COL19A1: variants seen among roughly 807,000 people sequenced by gnomAD.
The protein encoded by COL19A1 is collagen type XIX alpha 1 chain.
A neutral mutation model predicts 190.2 loss-of-function variants in COL19A1; 159 were observed. The observed-to-expected ratio is 0.84, with a 90% CI of 0.73 to 0.95. The LOEUF (loss-of-function observed/expected upper bound fraction) is 0.95. Among genes scored for constraint, COL19A1 ranks in the 40% least tolerant of loss-of-function variants. COL19A1 has a pLI of 0.00. For synonymous variants in COL19A1, 509 were observed against 458.9 expected (o/e 1.11, Z -1.39); for missense variants, 1,418 against 1,431.9 (o/e 0.99, Z 0.16).
intron 1 of COL19A1, among the ~76,000 whole-genome samples, chr6:69,872,561 T>C (rs544476770): frequency 6.6e-6 from 1 of 152,332 alleles, no homozygotes; most frequent in South Asian, 2.1e-4. Context: ...GCCTTAATGA[T>C]TTCAAGAGCT....
intron 31 of COL19A1, among the ~76,000 whole-genome samples, chr6:70,151,685 G>A (rs1177080422): frequency 2.0e-5 from 3 of 152,068 alleles, no homozygotes; most frequent in Non-Finnish European, 2.9e-5. Context: ...AGGGCAGCTG[G>A]TAGGATAGTT....
chr6:70,079,755 A>G (rs1256487544), intron 15 of COL19A1, among the ~76,000 whole-genome samples: 1 of 152,180 alleles, frequency 6.6e-6, no homozygotes, highest in East Asian at 1.9e-4. Flanking sequence ...AGATATTGAG[A>G]AAGTCAGGGG....
At chr6:70,036,514 G>T (rs1779359086) in intron 14 of COL19A1, among the ~76,000 whole-genome samples, 1 of 152,056 alleles carries the variant, frequency 6.6e-6, no homozygotes, top group African/African-American at 2.4e-5. Context: ...CAATCAAATG[G>T]TACATCATGT....
intron 16 of COL19A1, among the ~76,000 whole-genome samples, chr6:70,112,936 C>T (rs1385561086): frequency 2.0e-5 from 3 of 152,288 alleles, no homozygotes; most frequent in Admixed American, 6.5e-5. Context: ...TCCTGGAATA[C>T]ACGGGGGAAC....
intron 14 of COL19A1, among the ~76,000 whole-genome samples, chr6:70,043,979 G>A (rs1045506787): frequency 2.0e-4 from 30 of 152,160 alleles, no homozygotes; most frequent in African/African-American, 2.2e-4. Flanking sequence ...TTGAAAACTC[G>A]TTGCGTGGTG....
chr6:70,067,502 G>A (rs1781309570), intron 14 of COL19A1, among the ~76,000 whole-genome samples: 1 of 152,034 alleles, frequency 6.6e-6, no homozygotes, highest in African/African-American at 2.4e-5. Flanking sequence ...AGCATTTGAT[G>A]GGGTAAACTG....
intron 16 of COL19A1, among the ~76,000 whole-genome samples, chr6:70,111,238 T>C (rs574707335): frequency 6.6e-6 from 1 of 152,186 alleles, no homozygotes. Context: ...TCAGCTCAAT[T>C]TTTGCAGTCA....
At chr6:70,115,208 C>T (rs527547376) in intron 16 of COL19A1, among the ~76,000 whole-genome samples, 5 of 152,302 alleles carry the variant, frequency 3.3e-5, no homozygotes, top group East Asian at 1.9e-4. Flanking sequence ...CTGTCCTACC[C>T]GCCTTGCTCT....
At chr6:69,991,308 G>T (rs1400510785) in intron 11 of COL19A1, among the ~76,000 whole-genome samples, 1 of 152,064 alleles carries the variant, frequency 6.6e-6, no homozygotes, top group Non-Finnish European at 1.5e-5. Context: ...GGGCAGTTAG[G>T]TTGATTCCAT....
chr6:70,149,138 A>C (rs1786868356), intron 27 of COL19A1, among the ~76,000 whole-genome samples: 3 of 152,112 alleles, frequency 2.0e-5, no homozygotes, highest in Admixed American at 6.6e-5. Flanking sequence ...ACTTAGGTGA[A>C]CATTCCTCAT....
chr6:70,134,445 G>T (rs73469837), intron 18 of COL19A1, among the ~76,000 whole-genome samples: 6,796 of 152,194 alleles, frequency 0.045, 497 homozygotes, highest in African/African-American at 0.16. Flanking sequence ...CTTTAAATTT[G>T]ATGGATATTG....
intron 16 of COL19A1, among the ~76,000 whole-genome samples, chr6:70,103,429 C>G (rs1013132919): frequency 2.0e-5 from 3 of 152,134 alleles, no homozygotes; most frequent in African/African-American, 4.8e-5. Context: ...GCTTAAAATT[C>G]TCTAAAAGCT....
intron 11 of COL19A1, among the ~76,000 whole-genome samples, chr6:70,002,073 G>A (rs1777298265): frequency 6.6e-6 from 1 of 151,872 alleles, no homozygotes; most frequent in Admixed American, 6.6e-5. Flanking sequence ...TTTTTAACAT[G>A]AAGGATGTTG....
chr6:69,884,080 A>T (rs1218942805), intron 2 of COL19A1, among the ~76,000 whole-genome samples: 1 of 152,178 alleles, frequency 6.6e-6, no homozygotes, highest in Non-Finnish European at 1.5e-5. Flanking sequence ...CACACCTGTA[A>T]TCCCAGCACT....
chr6:70,083,860 C>T (rs941537010), intron 15 of COL19A1, among the ~76,000 whole-genome samples: 4 of 152,098 alleles, frequency 2.6e-5, no homozygotes, highest in African/African-American at 9.7e-5. Flanking sequence ...TGGACTAGTT[C>T]TGCTGGAGTC....
At chr6:70,163,106 G>A (rs145847952) in intron 35 of COL19A1, among the ~76,000 whole-genome samples, 5 of 152,150 alleles carry the variant, frequency 3.3e-5, no homozygotes, top group East Asian at 1.9e-4. Flanking sequence ...TCCAATTAAG[G>A]TCATTAAATG....
At chr6:70,016,755 G>T (rs1277588133) in intron 11 of COL19A1, among the ~76,000 whole-genome samples, 1 of 151,986 alleles carries the variant, frequency 6.6e-6, no homozygotes, top group African/African-American at 2.4e-5. Flanking sequence ...ATATGTGAAT[G>T]TCTAACAAGC....
chr6:70,005,883 GA>G (rs1424841149), intron 11 of COL19A1, among the ~76,000 whole-genome samples: 1 of 152,178 alleles, frequency 6.6e-6, no homozygotes, highest in Non-Finnish European at 1.5e-5. Flanking sequence ...CTGCAGGGAA[GA>G]ACTGCCCAGT....
At chr6:70,164,745 G>A (rs1017950481) in intron 36 of COL19A1, among the ~76,000 whole-genome samples, 1 of 152,134 alleles carries the variant, frequency 6.6e-6, no homozygotes, top group African/African-American at 2.4e-5. Flanking sequence ...TGACTCATTA[G>A]AACTATGACA....
Sources: gnomAD v4.1 joint callset for allele counts (sites outside exome capture counted in the v4.1 genomes callset) on GRCh38, gnomAD v4.1.1 for gene constraint, MANE v1.5 for transcripts, NCBI Gene and HGNC (gene_info 2026-07-23, HGNC 2026-07-21) for gene names.